The following VPS13B variants were observed in gnomAD, a reference collection of about 807,000 sequenced individuals.
The protein encoded by VPS13B is intermembrane lipid transfer protein VPS13B.
Under a neutral mutation model 426.4 loss-of-function variants are expected in VPS13B, and 285 were observed. The ratio of observed to expected loss-of-function variants is 0.67; its 90% confidence interval spans 0.61 to 0.74. VPS13B has a LOEUF of 0.74. Among genes scored for constraint, VPS13B ranks in the 30% least tolerant of loss-of-function variants. VPS13B has a pLI of 0.00. For missense variants in VPS13B, 4,537 were observed against 4,782.6 expected (o/e 0.95, Z 1.51); for synonymous variants, 1,676 against 1,676.4 (o/e 1.00, Z 0.01).
At chr8:99,260,947 A>T (rs1418390994) in intron 17 of VPS13B, among the ~76,000 whole-genome samples, 16 of 151,380 alleles carry the variant, frequency 1.1e-4, no homozygotes, top group Non-Finnish European at 1.8e-4. Flanking sequence ...TTCTTTTTTT[A>T]AAAAAAAACT....
chr8:99,749,357 C>A (rs1383926135), intron 39 of VPS13B, among the ~76,000 whole-genome samples: 1 of 151,938 alleles, frequency 6.6e-6, no homozygotes, highest in African/African-American at 2.4e-5. Context: ...ATTTTTGTAT[C>A]CCTTAACCAT....
At chr8:99,808,508 CAAA>C (rs758638504) in intron 43 of VPS13B, among the ~76,000 whole-genome samples, 5 of 64,932 alleles carry the variant, frequency 7.7e-5, no homozygotes, top group Admixed American at 1.7e-4. Flanking sequence ...GAGCGAGACT[CAAA>C]AAAAAAAAAA....
intron 6 of VPS13B, among the ~76,000 whole-genome samples, chr8:99,114,831 T>C (rs1847569002): frequency 6.6e-6 from 1 of 152,212 alleles, no homozygotes; most frequent in Non-Finnish European, 1.5e-5. Context: ...AATACATTAG[T>C]CAAAATAAAC....
chr8:99,318,288 AAT>A (rs1173760397), intron 19 of VPS13B, among the ~76,000 whole-genome samples: 2 of 152,198 alleles, frequency 1.3e-5, no homozygotes, highest in Non-Finnish European at 2.9e-5. Context: ...TCTATAAACA[AAT>A]ATTCATTGAA....
chr8:99,800,812 G>A (rs1277937152), intron 43 of VPS13B, among the ~76,000 whole-genome samples: 2 of 152,026 alleles, frequency 1.3e-5, no homozygotes, highest in African/African-American at 4.8e-5. Context: ...TTAGAGTTGT[G>A]TTTATAGTTA....
chr8:99,448,070 A>G (rs1262799727), intron 23 of VPS13B, among the ~76,000 whole-genome samples: 6 of 151,408 alleles, frequency 4.0e-5, no homozygotes, highest in African/African-American at 1.5e-4. Context: ...GAACTGCGGA[A>G]GTCTCCATCT....
chr8:99,055,218 T>C (rs1843783510), intron 3 of VPS13B, among the ~76,000 whole-genome samples: 2 of 152,114 alleles, frequency 1.3e-5, no homozygotes, highest in Admixed American at 6.5e-5. Flanking sequence ...TTTGTATTTT[T>C]GGTAGAGACA....
intron 4 of VPS13B, among the ~76,000 whole-genome samples, chr8:99,097,967 A>C (rs1343260379): frequency 1.3e-5 from 2 of 152,188 alleles, no homozygotes; most frequent in African/African-American, 2.4e-5. Context: ...TGATGCACAC[A>C]TTGAGTATCT....
chr8:99,325,154 T>C (rs1324800227), intron 19 of VPS13B, among the ~76,000 whole-genome samples: 1 of 152,192 alleles, frequency 6.6e-6, no homozygotes, highest in African/African-American at 2.4e-5. Context: ...TTCCAATATG[T>C]TGAAGAGGTT....
rs570667288 is a variant in VPS13B at position 99,852,642 on chromosome 8, G to C, written c.10062-809G>C. On this transcript the variant is annotated intron_variant, in intron 55 of 61. Transcript: ENST00000357162. ...GCCAAATGGAAGTCACTGATGACGAGTTGTTTTATTAGGCTGGGGATGGAG... is the reference window on the plus strand; with the variant it reads ...GCCAAATGGAAGTCACTGATGACGACTTGTTTTATTAGGCTGGGGATGGAG... Among the ~76,000 whole-genome samples, 10 of 152,324 alleles carry C rather than the reference G, an allele frequency of 6.6e-5. No homozygotes were observed. In the East Asian group the frequency reaches 1.9e-3, roughly 29 times the overall value.
intron 19 of VPS13B, among the ~76,000 whole-genome samples, chr8:99,318,097 C>A (rs1417838539): frequency 1.3e-5 from 2 of 152,178 alleles, no homozygotes; most frequent in South Asian, 4.2e-4. Context: ...GTGTTCTTGC[C>A]CTAATTTACT....
intron 17 of VPS13B, among the ~76,000 whole-genome samples, chr8:99,221,968 A>G (rs956692854): frequency 6.6e-5 from 10 of 152,184 alleles, no homozygotes; most frequent in Non-Finnish European, 1.5e-4. Flanking sequence ...ATCCAGAACT[A>G]TACCTTTTGT....
intron 17 of VPS13B, among the ~76,000 whole-genome samples, chr8:99,198,721 C>T (rs1814099596): frequency 6.6e-6 from 1 of 151,702 alleles, no homozygotes; most frequent in Non-Finnish European, 1.5e-5. Flanking sequence ...CATTTCTTTG[C>T]CAAATAATTT....
At chr8:99,361,506 A>G (rs1414533947) in intron 19 of VPS13B, among the ~76,000 whole-genome samples, 1 of 152,212 alleles carries the variant, frequency 6.6e-6, no homozygotes, top group Non-Finnish European at 1.5e-5. Flanking sequence ...TATAGAAGCC[A>G]GTGTCCTTAA....
intron 30 of VPS13B, among the ~76,000 whole-genome samples, chr8:99,528,080 C>T (rs1384480443): frequency 3.3e-5 from 5 of 152,026 alleles, no homozygotes; most frequent in Non-Finnish European, 7.4e-5. Context: ...AAACAAGTCT[C>T]AGAACCTTGA....
At chr8:99,675,970 C>CT (rs1830916356) in intron 35 of VPS13B, among the ~76,000 whole-genome samples, 1 of 151,828 alleles carries the variant, frequency 6.6e-6, no homozygotes, top group African/African-American at 2.4e-5. Flanking sequence ...CACTAGCACT[C>CT]TATTTTGTTT....
At chr8:99,074,025 C>T (rs1052274617) in intron 3 of VPS13B, among the ~76,000 whole-genome samples, 1 of 152,132 alleles carries the variant, frequency 6.6e-6, no homozygotes, top group Admixed American at 6.5e-5. Context: ...ACCTTGGCCT[C>T]CCAAAGTACT....
At chr8:99,414,402 C>T (rs1815873762) in intron 21 of VPS13B, among the ~76,000 whole-genome samples, 1 of 152,056 alleles carries the variant, frequency 6.6e-6, no homozygotes. Flanking sequence ...TTAATTGTGG[C>T]ATTTAGCCCA....
chr8:99,697,411 C>G, intron 35 of VPS13B: 1 of 648,950 alleles, frequency 1.5e-6, no homozygotes, highest in Non-Finnish European at 2.8e-6. Context: ...GACACTGCCC[C>G]CTGCTAGAGA....
Sources: gnomAD v4.1 joint callset for allele counts (sites outside exome capture counted in the v4.1 genomes callset) on GRCh38, gnomAD v4.1.1 for gene constraint, MANE v1.5 for transcripts, NCBI Gene and HGNC (gene_info 2026-07-23, HGNC 2026-07-21) for gene names.